Variants in PAN3 observed in about 807,000 individuals in gnomAD.
PAN3 encodes poly(A) specific ribonuclease subunit PAN3, also known as PAN2-PAN3 deadenylation complex subunit PAN3.
In PAN3, 19 loss-of-function variants were observed where a neutral mutation model predicts 96.2. The ratio of observed to expected loss-of-function variants is 0.20; its 90% confidence interval spans 0.14 to 0.29. The LOEUF (loss-of-function observed/expected upper bound fraction) is 0.29, where lower values mean the gene tolerates loss of function less well. PAN3 is among the 10% of genes least tolerant of loss of function. The pLI is 1.00. For missense variants in PAN3, 882 were observed against 1,108.1 expected, an observed-to-expected ratio of 0.80 and a Z score of 2.90; for synonymous variants, 433 against 406.6, an observed-to-expected ratio of 1.06 and a Z score of -0.78.
chr13:28,292,571 G>A lies in PAN3; in HGVS notation c.*49G>A, dbSNP rs1327234600. The A allele has an allele frequency of 2.6e-6, 4 of 1,538,156 alleles. No individual in the cohort carries two copies. The highest frequency in any genetic ancestry group is 3.5e-6 in the Non-Finnish European group (4 of 1,141,156). Reference sequence around the variant, plus strand: ...ACATGGCTAAAGACCTTAACCAATAGCAAATTGCACTACAGCTGAACTTTT... The same window carrying A: ...ACATGGCTAAAGACCTTAACCAATAACAAATTGCACTACAGCTGAACTTTT... On this transcript the variant is annotated 3_prime_UTR_variant, in exon 19 of 19. Coordinates refer to ENST00000380958, the MANE Select transcript of PAN3 (RefSeq NM_175854.8).
At chr13:28,168,490 G>C (rs557054713) in intron 1 of PAN3, among the ~76,000 whole-genome samples, 2 of 152,132 alleles carry the variant, frequency 1.3e-5, no homozygotes, top group Non-Finnish European at 2.9e-5. Context: ...AGGCTGAGGC[G>C]AGTGGATCAC....
intron 1 of PAN3, among the ~76,000 whole-genome samples, chr13:28,161,602 C>G (rs1872891653): frequency 6.6e-6 from 1 of 152,102 alleles, no homozygotes; most frequent in African/African-American, 2.4e-5. Context: ...TTGGGAGGGA[C>G]AGTTGAACTT....
chr13:28,209,015 C>A (rs1404468764), intron 5 of PAN3, among the ~76,000 whole-genome samples: 36 of 152,112 alleles, frequency 2.4e-4, no homozygotes, highest in Admixed American at 2.4e-3. Context: ...TACTGGGGTG[C>A]TTAAGGCATA....
At chr13:28,178,610 A>G (rs1184415971) in intron 4 of PAN3, among the ~76,000 whole-genome samples, 1 of 152,144 alleles carries the variant, frequency 6.6e-6, no homozygotes, top group Non-Finnish European at 1.5e-5. Flanking sequence ...AAGAGGTTCT[A>G]AATCTTGGTG....
chr13:28,149,056 A>AT (rs1036348200), intron 1 of PAN3, among the ~76,000 whole-genome samples: 1 of 151,000 alleles, frequency 6.6e-6, no homozygotes, highest in African/African-American at 2.5e-5. Flanking sequence ...CAGTTGATAC[A>AT]TTAAAAAAAA....
chr13:28,257,767 TTA>T (rs1008789873), intron 7 of PAN3, among the ~76,000 whole-genome samples: 57 of 139,036 alleles, frequency 4.1e-4, no homozygotes, highest in South Asian at 2.8e-3. Context: ...TAATTATATA[TTA>T]TATATAAATT....
chr13:28,225,370 T>G (rs528721713), intron 6 of PAN3, among the ~76,000 whole-genome samples: 2 of 152,210 alleles, frequency 1.3e-5, no homozygotes, highest in East Asian at 1.9e-4. Flanking sequence ...TAAAGTTCTG[T>G]GCCAAAAAAC....
intron 1 of PAN3, among the ~76,000 whole-genome samples, chr13:28,151,832 A>G (rs1228822335): frequency 6.6e-6 from 1 of 152,176 alleles, no homozygotes; most frequent in Non-Finnish European, 1.5e-5. Context: ...GGTTTTGAAC[A>G]TGTTACTTTG....
chr13:28,187,256 G>C (rs1008071456), intron 4 of PAN3, among the ~76,000 whole-genome samples: 41 of 152,136 alleles, frequency 2.7e-4, no homozygotes, highest in Admixed American at 2.5e-3. Context: ...AAGCCCAGGA[G>C]GTTGAGGTTG....
intron 5 of PAN3, among the ~76,000 whole-genome samples, chr13:28,198,105 T>C (rs1878278874): frequency 6.6e-6 from 1 of 151,844 alleles, no homozygotes; most frequent in South Asian, 2.1e-4. Context: ...AAACCCCGTC[T>C]CTACAAATAT....
At position 28,280,529 on chromosome 13, in the gene PAN3, A is replaced by T. The variant is rs756969031; in HGVS notation, c.2307A>T (p.Glu769Asp). 6.2e-7 allele frequency: 1 copy of T among 1,607,302 alleles called. No homozygotes were observed. The highest frequency in any genetic ancestry group is 1.3e-5 in the African/African-American group (1 of 74,272). The change falls in exon 16 of 19, where the codon GAA becomes GAT. Residue 769 changes from glutamate (E) to aspartate (D), a missense_variant. Coordinates refer to ENST00000380958, the MANE Select transcript of PAN3 (RefSeq NM_175854.8). The stretch of plus-strand genomic sequence containing the variant: ...AAATGAGAAATGATGTCATAGAGGA[A>T]GACCTTGCAAAGGTAAAGAGTGTAA... ...AAQMRNDVIE[E>D]DLAKEVQNGR...
chr13:28,197,135 A>G (rs1026164914), intron 4 of PAN3, 50 bp from the exon 5 acceptor site: 8 of 1,571,664 alleles, frequency 5.1e-6, no homozygotes, highest in Non-Finnish European at 6.9e-6. Flanking sequence ...AGTTTAGATT[A>G]GTGTGGGGGA....
chr13:28,176,469 A>G, intron 2 of PAN3, 24 bp from the exon 3 acceptor site: 1 of 1,597,888 alleles, frequency 6.3e-7, no homozygotes, highest in Non-Finnish European at 8.6e-7. Flanking sequence ...CAGTGATGTT[A>G]TAAATAAATA....
intron 5 of PAN3, among the ~76,000 whole-genome samples, chr13:28,212,066 A>C (rs1880101909): frequency 6.6e-6 from 1 of 152,240 alleles, no homozygotes; most frequent in Admixed American, 6.5e-5. Context: ...TCCCTCTTGA[A>C]TCTTTAGCTG....
chr13:28,160,262 A>G (rs1872734177), intron 1 of PAN3, among the ~76,000 whole-genome samples: 1 of 152,180 alleles, frequency 6.6e-6, no homozygotes, highest in Non-Finnish European at 1.5e-5. Context: ...TTTTGAAAAG[A>G]TAACTATAGT....
chr13:28,184,507 C>T (rs1876211881), intron 4 of PAN3, among the ~76,000 whole-genome samples: 1 of 151,972 alleles, frequency 6.6e-6, no homozygotes, highest in South Asian at 2.1e-4. Context: ...CATCGTTTAA[C>T]CTTATGCCTG....
At chr13:28,197,071 G>C in intron 4 of PAN3, 114 bp from the exon 5 acceptor site, 1 of 1,299,114 alleles carries the variant, frequency 7.7e-7, no homozygotes, top group South Asian at 1.9e-5. Context: ...GAGTGTTTTA[G>C]AAACTTGTTT....
chr13:28,276,430 A>G (rs9554302), intron 14 of PAN3, among the ~76,000 whole-genome samples: 19,446 of 152,180 alleles, frequency 0.13, 1,445 homozygotes, highest in East Asian at 0.33. Flanking sequence ...CCTACCAATC[A>G]GGGCCACTTG....
At chr13:28,256,723 T>C (rs1419475126) in intron 7 of PAN3, among the ~76,000 whole-genome samples, 184 bp downstream of exon 7, 2 of 152,220 alleles carry the variant, frequency 1.3e-5, no homozygotes, top group African/African-American at 4.8e-5. Context: ...TCTGCCTTAC[T>C]AATAATTCTA....
Sources: allele counts gnomAD v4.1 joint callset (sites outside exome capture counted in the v4.1 genomes callset), GRCh38; gene constraint gnomAD v4.1.1; transcripts MANE v1.5; gene names NCBI Gene and HGNC (gene_info 2026-07-23, HGNC 2026-07-21).